RFC3: variants seen among roughly 807,000 people sequenced by gnomAD.
RFC3 encodes the protein replication factor C subunit 3.
RFC3 carries 41 observed loss-of-function variants against 45.1 expected under a neutral mutation model. The observed-to-expected ratio is 0.91, with a 90% CI of 0.71 to 1.18. The LOEUF (loss-of-function observed/expected upper bound fraction) is 1.18. Ranked by LOEUF, RFC3 falls within the 50% of genes most tolerant of loss-of-function variation. RFC3 has a pLI of 0.00. For missense variants in RFC3, 423 were observed against 428.1 expected, an observed-to-expected ratio of 0.99 and a Z score of 0.10; for synonymous variants, 149 against 144.0, an observed-to-expected ratio of 1.03 and a Z score of -0.25.
intron 8 of RFC3, among the ~76,000 whole-genome samples, chr13:33,860,158 A>G (rs2082331827): frequency 1.3e-5 from 2 of 152,136 alleles, no homozygotes; most frequent in African/African-American, 4.8e-5. Context: ...CATGAGAAAA[A>G]TATGTTTCTG....
At chr13:33,927,808 G>C (rs1017730474) in intron 8 of RFC3, among the ~76,000 whole-genome samples, 1 of 152,098 alleles carries the variant, frequency 6.6e-6, no homozygotes, top group South Asian at 2.1e-4. Context: ...TGGAACAAAG[G>C]CCACTGAGTG....
chr13:33,836,294 G>A lies in RFC3; in HGVS notation c.1070G>A (p.Ter357=). The change falls in exon 9 of 9, where the codon TGA becomes TAA. Residue 357 remains the stop codon, a stop_retained_variant. Coordinates refer to ENST00000380071, the MANE Select transcript of RFC3 (RefSeq NM_002915.4). ...GATGGATTGGAAGGCATGATGTTCT[G>A]ACTTCTGTCAGTTATTCTTGCAAAG... The part of the protein sequence containing the change: ...MEDGLEGMMF[*] 1 of 1,611,540 alleles carries A rather than the reference G, an allele frequency of 6.2e-7. No homozygotes were observed. The highest frequency in any genetic ancestry group is 8.5e-7 in the Non-Finnish European group (1 of 1,178,034).
intron 8 of RFC3, among the ~76,000 whole-genome samples, chr13:33,894,411 G>A (rs1325359621): frequency 6.6e-6 from 1 of 152,188 alleles, no homozygotes. Context: ...AGACCTCGTG[G>A]AAGTCTGCCA....
At chr13:33,857,897 C>A (rs910276594) in intron 8 of RFC3, among the ~76,000 whole-genome samples, 2 of 152,158 alleles carry the variant, frequency 1.3e-5, no homozygotes, top group African/African-American at 4.8e-5. Flanking sequence ...ATCATCCTGT[C>A]TGGGAGTTTG....
rs2082000745 is a variant in RFC3 at position 33,821,224 on chromosome 13, T to C, written c.180T>C (p.Tyr60=). The change falls in exon 2 of 9, where the codon TAT becomes TAC. Residue 60 remains tyrosine, a synonymous_variant. Transcript: ENST00000380071. The stretch of plus-strand genomic sequence containing the variant: ...TTATGTGTATTCTACGTGAACTTTA[T>C]GGTGTTGGAGTGGAAAAATTGAGAA... The part of the protein sequence containing the change: ...TRIMCILREL[Y]GVGVEKLRIE... 6.2e-7 allele frequency: 1 copy of C among 1,613,806 alleles called. No homozygotes were observed. Among genetic ancestry groups the C allele is most frequent in the African/African-American group, 1.3e-5 (1 of 75,030 alleles).
intron 8 of RFC3, among the ~76,000 whole-genome samples, chr13:33,881,494 A>T (rs542647087): frequency 6.6e-6 from 1 of 151,946 alleles, no homozygotes; most frequent in Non-Finnish European, 1.5e-5. Context: ...ATTCTGGCTC[A>T]CCTGAATGTC....
intron 8 of RFC3, among the ~76,000 whole-genome samples, chr13:33,894,287 A>G (rs530730426): frequency 6.6e-6 from 1 of 152,186 alleles, no homozygotes; most frequent in Admixed American, 6.6e-5. Flanking sequence ...ACTGGAGCTG[A>G]TTTAGTGAGT....
intron 8 of RFC3, among the ~76,000 whole-genome samples, chr13:33,912,398 A>G (rs934740421): frequency 5.3e-5 from 8 of 152,080 alleles, no homozygotes; most frequent in African/African-American, 1.9e-4. Context: ...ATGGACATTT[A>G]TTCTGATCCA....
intron 8 of RFC3, among the ~76,000 whole-genome samples, chr13:33,851,978 G>T (rs1566395593): frequency 6.6e-6 from 1 of 152,112 alleles, no homozygotes. Flanking sequence ...AATTGACATT[G>T]ATATTGTGAA....
rs3135579 is a variant in RFC3 at position 33,826,663 on chromosome 13, T to C, written c.391+777T>C. Reference sequence around the variant, plus strand: ...TTATATTTTCTGAATGTTTTATATATGTGAGTTACTAACATATCCTACTTT... The same window carrying C: ...TTATATTTTCTGAATGTTTTATATACGTGAGTTACTAACATATCCTACTTT... On this transcript the variant is annotated intron_variant, in intron 4 of 8. Transcript: ENST00000380071. 6.8e-3 allele frequency among the ~76,000 whole-genome samples: 1,019 copies of C among 150,524 alleles called. 9 individuals are homozygous for C. Among genetic ancestry groups the C allele is most frequent in the African/African-American group, 0.024 (975 of 40,416 alleles).
chr13:33,911,290 G>A (rs1286605482), intron 8 of RFC3, among the ~76,000 whole-genome samples: 1 of 152,086 alleles, frequency 6.6e-6, no homozygotes, highest in African/African-American at 2.4e-5. Context: ...GCAGAGTCAA[G>A]TGGGAGAACA....
At chr13:33,828,047 C>G (rs2082067055) in intron 4 of RFC3, among the ~76,000 whole-genome samples, 1 of 151,926 alleles carries the variant, frequency 6.6e-6, no homozygotes, top group African/African-American at 2.4e-5. Context: ...TACTTGGGAG[C>G]TGAGGTGGGA....
At chr13:33,834,329 T>TATATATATAGATATATATACACATAC (rs1300798923) in intron 7 of RFC3, among the ~76,000 whole-genome samples, 1 of 125,106 alleles carries the variant, frequency 8.0e-6, no homozygotes, top group African/African-American at 3.4e-5. Flanking sequence ...TATATATATA[T>TATATATATAGATATATATACACATAC]ATCTGTACTG....
intron 8 of RFC3, among the ~76,000 whole-genome samples, chr13:33,875,035 G>A (rs1017438777): frequency 2.6e-5 from 4 of 152,188 alleles, no homozygotes; most frequent in Non-Finnish European, 4.4e-5. Flanking sequence ...TTTACCCGGC[G>A]TCTTCCAAAA....
At chr13:33,858,175 T>G (rs1325526779) in intron 8 of RFC3, among the ~76,000 whole-genome samples, 1 of 152,120 alleles carries the variant, frequency 6.6e-6, no homozygotes, top group African/African-American at 2.4e-5. Context: ...TCCAGAGAGA[T>G]TTGATGAAGT....
intron 8 of RFC3, among the ~76,000 whole-genome samples, chr13:33,873,981 T>C (rs1340884476): frequency 2.0e-5 from 3 of 152,252 alleles, no homozygotes; most frequent in Non-Finnish European, 2.9e-5. Context: ...TTAATGCTTT[T>C]GTATATAAAA....
chr13:33,849,481 C>G (rs1007187056), intron 8 of RFC3: 2 of 152,136 alleles, frequency 1.3e-5, no homozygotes, highest in Non-Finnish European at 2.9e-5. Context: ...ATATAACAGT[C>G]AGCTCTTGTG....
intron 8 of RFC3, among the ~76,000 whole-genome samples, chr13:33,960,329 T>TA (rs2083048961): frequency 6.6e-6 from 1 of 152,194 alleles, no homozygotes; most frequent in Non-Finnish European, 1.5e-5. Flanking sequence ...TATATGGCCT[T>TA]GGGCACACTC....
chr13:33,904,586 G>A (rs866025795), intron 8 of RFC3, among the ~76,000 whole-genome samples: 15 of 151,966 alleles, frequency 9.9e-5, no homozygotes, highest in African/African-American at 3.1e-4. Flanking sequence ...GAACCCTCCC[G>A]AAGCAAGGCC....
Sources: gnomAD v4.1 joint callset for allele counts (sites outside exome capture counted in the v4.1 genomes callset) on GRCh38, gnomAD v4.1.1 for gene constraint, MANE v1.5 for transcripts, NCBI Gene and HGNC (gene_info 2026-07-23, HGNC 2026-07-21) for gene names.